TMEM39B: variants seen among roughly 807,000 people sequenced by gnomAD.
TMEM39B encodes transmembrane protein 39B.
TMEM39B carries 23 observed loss-of-function variants against 52.2 expected under a neutral mutation model. That is an observed-to-expected ratio of 0.44 (90% CI 0.32 to 0.62). The LOEUF (loss-of-function observed/expected upper bound fraction) is 0.62. Ranked by LOEUF, TMEM39B falls within the 20% of genes least tolerant of loss-of-function variation. TMEM39B has a pLI of 0.06. For synonymous variants in TMEM39B, 285 were observed against 264.0 expected, an observed-to-expected ratio of 1.08 and a Z score of -0.77; for missense variants, 547 against 642.0, an observed-to-expected ratio of 0.85 and a Z score of 1.60.
Position 32,074,984 on chromosome 1 carries a change from G to C in TMEM39B, c.38G>C (p.Cys13Ser). 1 of 1,551,592 alleles carries C rather than the reference G, an allele frequency of 6.4e-7. No individual in the cohort carries two copies. Among genetic ancestry groups the C allele is most frequent in the Non-Finnish European group, 8.7e-7 (1 of 1,146,944 alleles). Residue 13 changes from cysteine to serine, a missense_variant, in exon 2 of 9, where the codon TGT becomes TCT. Cys to Ser is a moderately radical substitution (Grantham distance 112). Transcript: ENST00000336294. ...AGAGGTCCCAACAGGACATCTTACT[G>C]TCGAAATCCGCTCTGTGAGCCGGGA... Reference protein sequence around the residue: ...GRRGPNRTSYCRNPLCEPGSS... With the variant: ...GRRGPNRTSYSRNPLCEPGSS...
chr1:32,076,001 C>T, intron 3 of TMEM39B, 179 bp downstream of exon 3: 2 of 507,210 alleles, frequency 3.9e-6, no homozygotes, highest in South Asian at 6.5e-5. Flanking sequence ...CTGAATACTC[C>T]TAGTGTGTTT....
At chr1:32,077,459 C>A in intron 5 of TMEM39B, 141 bp downstream of exon 5, 2 of 1,100,338 alleles carry the variant, frequency 1.8e-6, no homozygotes, top group Non-Finnish European at 2.6e-6. Context: ...AGATGACACT[C>A]ACTCACTGAG....
chr1:32,077,368 C>T (rs773672207), intron 5 of TMEM39B, 50 bp downstream of exon 5: 2 of 1,605,518 alleles, frequency 1.2e-6, no homozygotes, highest in Admixed American at 1.7e-5. Context: ...GGCCCCTGAC[C>T]TCTGCCCTGA....
rs1299892708 is a variant in TMEM39B at position 32,100,435 on chromosome 1, C to T, written c.1116-7C>T. ...GGATAAGGGGCACCATTGAACTGTG[C>T]CCCCAGGTGGACTGAAGAATGCATG... is the stretch of plus-strand genomic sequence containing the variant. On this transcript the variant is annotated splice_polypyrimidine_tract_variant and splice_region_variant and intron_variant, in intron 7 of 8. Coordinates refer to ENST00000336294, the MANE Select transcript of TMEM39B (RefSeq NM_018056.4). 6 of 1,579,810 alleles carry T rather than the reference C, an allele frequency of 3.8e-6. No individual in the cohort carries two copies. Among genetic ancestry groups the T allele is most frequent in the African/African-American group, 1.3e-5 (1 of 74,176 alleles).
intron 5 of TMEM39B, among the ~76,000 whole-genome samples, chr1:32,081,500 C>A (rs1348559292): frequency 1.3e-5 from 2 of 152,162 alleles, no homozygotes; most frequent in East Asian, 3.9e-4. Flanking sequence ...GTAATCCCAG[C>A]ACTTTGGAAG....
chr1:32,074,779 G>GT (rs1639782228), intron 1 of TMEM39B, among the ~76,000 whole-genome samples, 172 bp from the exon 2 acceptor site: 2 of 152,140 alleles, frequency 1.3e-5, no homozygotes, highest in African/African-American at 4.8e-5. Flanking sequence ...TGGGTGTGAG[G>GT]TAGAGAATGA....
intron 5 of TMEM39B, among the ~76,000 whole-genome samples, chr1:32,084,996 G>A (rs1419773210): frequency 6.6e-6 from 1 of 152,108 alleles, no homozygotes; most frequent in African/African-American, 2.4e-5. Context: ...TTCTTTTATA[G>A]ATGACTTGTA....
Position 32,094,905 on chromosome 1 carries a change from C to T in TMEM39B, c.1049C>T (p.Ala350Val), listed in dbSNP as rs1198039999. The T allele has an allele frequency of 6.2e-7, 1 of 1,614,000 alleles. No homozygotes were observed. The highest frequency in any genetic ancestry group is 1.1e-5 in the South Asian group (1 of 91,090). Residue 350 changes from alanine (A) to valine (V), a missense_variant, in exon 7 of 9, where the codon GCC becomes GTC. Ala to Val is a moderately conservative substitution (Grantham distance 64). Coordinates refer to ENST00000336294, the MANE Select transcript of TMEM39B (RefSeq NM_018056.4). ...PASYCDLLHK[A>V]AAHLGCWQKV... is the part of the protein sequence containing the mutation. ...AGCTACTGTGACCTGCTGCACAAGG[C>T]CGCCGCCCATCTGGGCTGTTGGCAG...
chr1:32,076,337 C>T, intron 3 of TMEM39B: 1 of 323,532 alleles, frequency 3.1e-6, no homozygotes, highest in South Asian at 2.6e-5. Flanking sequence ...TCTCGAACTC[C>T]TGACCTCAAA....
chr1:32,094,953 C>G lies in TMEM39B; in HGVS notation c.1097C>G (p.Ser366Cys). The G allele has an allele frequency of 1.2e-6, 2 of 1,613,486 alleles. No homozygotes were observed. The highest frequency in any genetic ancestry group is 2.2e-5 in the East Asian group (1 of 44,894). The change falls in exon 7 of 9, where the codon TCC (serine) becomes TGC (cysteine). Residue 366 changes from serine (S) to cysteine (C), a missense_variant. Coordinates refer to ENST00000336294, the MANE Select transcript of TMEM39B (RefSeq NM_018056.4). ...CAGAAGGTGGACCCAGCGCTGTGCT[C>G]CAACGTGCTGCAGCACCCGTGAGTC... is the stretch of plus-strand genomic sequence containing the variant. The part of the protein sequence containing the change: ...CWQKVDPALC[S>C]NVLQHPWTEE...
Position 32,077,152 on chromosome 1 carries a change from G to T in TMEM39B, c.436-12G>T, listed in dbSNP as rs1477212616. On this transcript the variant is annotated splice_polypyrimidine_tract_variant and intron_variant, in intron 4 of 8. Transcript: ENST00000336294. Reference sequence around the variant, plus strand: ...CCAAGGCCCCATCCCGTCCTATCTTGCCCCGACCCAGGCCTCTCAGAGGGG... The same window carrying T: ...CCAAGGCCCCATCCCGTCCTATCTTTCCCCGACCCAGGCCTCTCAGAGGGG... 1 of 1,613,736 alleles carries T rather than the reference G, an allele frequency of 6.2e-7. No individual in the cohort carries two copies. Among genetic ancestry groups the T allele is most frequent in the Non-Finnish European group, 8.5e-7 (1 of 1,179,902 alleles).
chr1:32,074,021 T>C (rs905200742), intron 1 of TMEM39B: 5 of 507,076 alleles, frequency 9.9e-6, no homozygotes, highest in Non-Finnish European at 1.3e-5. Context: ...ATTGCTGAGA[T>C]TACAGTCGTG....
intron 1 of TMEM39B, among the ~76,000 whole-genome samples, chr1:32,074,090 CT>C (rs1160086388): frequency 1.3e-5 from 2 of 152,012 alleles, no homozygotes; most frequent in African/African-American, 4.8e-5. Flanking sequence ...TTGTGCAGAA[CT>C]TTTGTGCGAA....
At chr1:32,095,077 A>G (rs1640765038) in intron 7 of TMEM39B, 106 bp downstream of exon 7, 4 of 1,333,850 alleles carry the variant, frequency 3.0e-6, no homozygotes, top group African/African-American at 1.4e-5. Flanking sequence ...ATAGTTATTG[A>G]GCGTGTCTTG....
chr1:32,076,807 C>A lies in TMEM39B; in HGVS notation c.396C>A (p.Ile132=), dbSNP rs767866905. 30 of 1,613,996 alleles carry A rather than the reference C, an allele frequency of 1.9e-5. No homozygotes were observed. The East Asian group carries it at 6.7e-4, about 36-fold the overall frequency. The part of the protein sequence containing the change: ...IDFNLLMVTT[I]VLGRRFIGSI... ...TCAACTTGCTGATGGTGACCACCAT[C>A]GTTCTGGGCCGCCGCTTCATTGGGT... Residue 132 remains isoleucine (I), a synonymous_variant, in exon 4 of 9, where the codon ATC becomes ATA. Transcript: ENST00000336294.
chr1:32,085,096 A>C (rs1389871146), intron 5 of TMEM39B, among the ~76,000 whole-genome samples: 1 of 152,190 alleles, frequency 6.6e-6, no homozygotes, highest in Non-Finnish European at 1.5e-5. Context: ...GACGTTTGTC[A>C]TTCATCCTTT....
At chr1:32,081,389 A>G (rs1160310315) in intron 5 of TMEM39B, among the ~76,000 whole-genome samples, 1 of 151,732 alleles carries the variant, frequency 6.6e-6, no homozygotes, top group Non-Finnish European at 1.5e-5. Flanking sequence ...CTCCCACTTC[A>G]GCCTTCTGAG....
upstream of TMEM39B, among the ~76,000 whole-genome samples, chr1:32,072,671 CG>C (rs1200361414): frequency 6.6e-6 from 1 of 152,152 alleles, no homozygotes; most frequent in African/African-American, 2.4e-5. Context: ...CCTAGGGGAG[CG>C]GAGAGGCGGC....
At chr1:32,078,494 A>C (rs1639958207) in intron 5 of TMEM39B, among the ~76,000 whole-genome samples, 1 of 152,158 alleles carries the variant, frequency 6.6e-6, no homozygotes, top group Non-Finnish European at 1.5e-5. Context: ...TAAAAAAAAA[A>C]AACATTATAA....
Sources: allele counts gnomAD v4.1 joint callset (sites outside exome capture counted in the v4.1 genomes callset), GRCh38; gene constraint gnomAD v4.1.1; transcripts MANE v1.5; gene names NCBI Gene and HGNC (gene_info 2026-07-23, HGNC 2026-07-21).